The following TOX variants were observed in gnomAD, a reference collection of about 807,000 sequenced individuals.
TOX encodes thymocyte selection-associated high mobility group box protein TOX.
Under a neutral mutation model 53.7 loss-of-function variants are expected in TOX, and 11 were observed. That is an observed-to-expected ratio of 0.20 (90% CI 0.13 to 0.34). The LOEUF is 0.34. Ranked by LOEUF, TOX falls within the 10% of genes least tolerant of loss-of-function variation. TOX has a pLI of 1.00. For missense variants in TOX, 570 were observed against 664.6 expected (o/e 0.86, Z 1.56); for synonymous variants, 225 against 245.3 (o/e 0.92, Z 0.77).
chr8:58,874,252 T>G (rs1037695162), intron 3 of TOX, among the ~76,000 whole-genome samples: 4 of 152,002 alleles, frequency 2.6e-5, no homozygotes, highest in African/African-American at 9.7e-5. Flanking sequence ...CTTTTGGTAT[T>G]AAAATTTCAG....
chr8:58,961,532 C>CTT (rs1306667873), intron 1 of TOX, among the ~76,000 whole-genome samples: 4 of 143,060 alleles, frequency 2.8e-5, no homozygotes, highest in Non-Finnish European at 3.1e-5. Flanking sequence ...CAGGTGAACT[C>CTT]TTTTTTTTTT....
intron 1 of TOX, among the ~76,000 whole-genome samples, chr8:59,092,151 C>T (rs1015990266): frequency 6.7e-6 from 1 of 149,294 alleles, no homozygotes; most frequent in Non-Finnish European, 1.5e-5. Context: ...ACTCGGGAGG[C>T]AGAGGCAGGA....
In TOX at chr8:59,047,203, G is replaced by GTTT. The variant is rs10551461; in HGVS notation, c.102+71680_102+71682dup. On this transcript the variant is annotated intron_variant, in intron 1 of 8. Transcript: ENST00000361421. ...TTATTGAACAATTCCACCAAGAATT[G>GTTT]TTTTTTTTTTTTTTTTTTTTTTTTT... is the stretch of plus-strand genomic sequence containing the variant. 3.2e-3 allele frequency among the ~76,000 whole-genome samples: 143 copies of GTTT among 44,694 alleles called. 6 individuals carry two copies. Among genetic ancestry groups the GTTT allele is most frequent in the Middle Eastern group, 0.015 (1 of 68 alleles). 29.3% of individuals were successfully genotyped at this position (44,694 alleles called of 152,430 possible). A position where few individuals can be genotyped will look rare whatever the true frequency, so the allele number is the denominator to read the frequency against.
intron 6 of TOX, among the ~76,000 whole-genome samples, chr8:58,822,304 C>T (rs1810294998): frequency 6.6e-6 from 1 of 152,234 alleles, no homozygotes; most frequent in Admixed American, 6.5e-5. Flanking sequence ...CTTGAATCCT[C>T]TCTTTTTCTG....
intron 6 of TOX, among the ~76,000 whole-genome samples, chr8:58,826,079 T>C (rs1172706469): frequency 6.6e-6 from 1 of 152,190 alleles, no homozygotes; most frequent in Admixed American, 6.5e-5. Flanking sequence ...ATAATTACTT[T>C]AGAGTTACAA....
chr8:58,817,148 G>A (rs535817342), intron 6 of TOX, among the ~76,000 whole-genome samples: 9 of 152,084 alleles, frequency 5.9e-5, no homozygotes, highest in African/African-American at 2.2e-4. Flanking sequence ...AATACTCCAC[G>A]CACAGTATAA....
chr8:59,119,001 C>G lies in TOX; in HGVS notation c.-14G>C, dbSNP rs931604818. The stretch of plus-strand genomic sequence containing the variant: ...TCTTACGTCCATTTCACTCTCACAT[C>G]AAGCAACTCCTTTTCTTTTTCCTTT... On this transcript the variant is annotated 5_prime_UTR_variant, in exon 1 of 9. Coordinates refer to ENST00000361421, the MANE Select transcript of TOX (RefSeq NM_014729.3). 9 of 1,561,912 alleles carry G rather than the reference C, an allele frequency of 5.8e-6. No homozygotes were observed. Among genetic ancestry groups the G allele is most frequent in the Admixed American group, 5.1e-5 (3 of 59,028 alleles).
intron 1 of TOX, among the ~76,000 whole-genome samples, chr8:58,998,499 ATATATATAT>A (rs1813606968): frequency 1.3e-5 from 1 of 74,538 alleles, no homozygotes; most frequent in Non-Finnish European, 2.3e-5. Flanking sequence ...AAAAGTATAT[ATATATATAT>A]ATATATATAT....
At position 58,903,355 on chromosome 8, in the gene TOX, T is replaced by C. The variant is rs529388793; in HGVS notation, c.411+35947A>G. On this transcript the variant is annotated intron_variant, in intron 3 of 8. Coordinates refer to ENST00000361421, the MANE Select transcript of TOX (RefSeq NM_014729.3). ...CCATCATTAAAAATCCCAGGGTAAA[T>C]GTAGCTCTTGCAGAAGGAGGCGGGT... Among the ~76,000 whole-genome samples the C allele has an allele frequency of 4.6e-5, 7 of 152,276 alleles. No homozygotes were observed. In the South Asian group the frequency reaches 1.4e-3, roughly 32 times the overall value.
chr8:59,054,152 A>G (rs367965766), intron 1 of TOX, among the ~76,000 whole-genome samples: 3 of 152,224 alleles, frequency 2.0e-5, no homozygotes, highest in African/African-American at 4.8e-5. Flanking sequence ...TTAAAGCTAC[A>G]TATGCATAAT....
At chr8:59,057,748 A>G (rs1803910302) in intron 1 of TOX, among the ~76,000 whole-genome samples, 1 of 152,186 alleles carries the variant, frequency 6.6e-6, no homozygotes. Context: ...TTCATTTTCC[A>G]TATTTTCTAC....
intron 3 of TOX, among the ~76,000 whole-genome samples, chr8:58,909,582 TTTTTAA>T (rs1352832528): frequency 6.6e-6 from 1 of 152,064 alleles, no homozygotes; most frequent in Non-Finnish European, 1.5e-5. Context: ...AGCATCTACA[TTTTTAA>T]TAAGATTCCA....
At chr8:59,051,392 G>T (rs1563430455) in intron 1 of TOX, among the ~76,000 whole-genome samples, 1 of 152,078 alleles carries the variant, frequency 6.6e-6, no homozygotes, top group Non-Finnish European at 1.5e-5. Flanking sequence ...GGACGTTGCG[G>T]TATCTCCAGG....
chr8:58,855,575 G>A (rs937892811), intron 3 of TOX, among the ~76,000 whole-genome samples: 2 of 151,982 alleles, frequency 1.3e-5, no homozygotes, highest in African/African-American at 4.8e-5. Context: ...CATCTATCCA[G>A]GCCTTAATTA....
In TOX at chr8:58,867,845, C is replaced by CCG. The variant is rs1185142652; in HGVS notation, c.412-16041_412-16040insCG. On this transcript the variant is annotated intron_variant, in intron 3 of 8. Transcript: ENST00000361421. ...TTGTTTACTGCTCTGTTGTCAGTGC[C>CCG]CAATTCAGGCACATTGAAGAACCAG... Among the ~76,000 whole-genome samples the CCG allele has an allele frequency of 8.3e-4, 127 of 152,180 alleles. 2 individuals carry two copies. The East Asian group carries it at 8.5e-3, about 10-fold the overall frequency.
intron 1 of TOX, among the ~76,000 whole-genome samples, chr8:58,975,350 G>T (rs1216504465): frequency 6.6e-6 from 1 of 151,890 alleles, no homozygotes; most frequent in East Asian, 1.9e-4. Flanking sequence ...CTAACAAAGG[G>T]GAGTCTATGA....
At chr8:59,063,716 C>T (rs952628570) in intron 1 of TOX, among the ~76,000 whole-genome samples, 3 of 152,040 alleles carry the variant, frequency 2.0e-5, no homozygotes, top group Non-Finnish European at 4.4e-5. Flanking sequence ...CCACTGCGCC[C>T]GGCCCGGGAT....
chr8:59,012,526 C>A (rs1585963339), intron 1 of TOX, among the ~76,000 whole-genome samples: 1 of 151,760 alleles, frequency 6.6e-6, no homozygotes, highest in South Asian at 2.1e-4. Context: ...CACATGAGAT[C>A]ACAATTTTTT....
chr8:58,975,873 A>G (rs1281374405), intron 1 of TOX, among the ~76,000 whole-genome samples: 1 of 152,124 alleles, frequency 6.6e-6, no homozygotes, highest in Non-Finnish European at 1.5e-5. Flanking sequence ...AGAGATCGAG[A>G]CCATCCTGGC....
Sources: allele counts gnomAD v4.1 joint callset (sites outside exome capture counted in the v4.1 genomes callset), GRCh38; gene constraint gnomAD v4.1.1; transcripts MANE v1.5; gene names NCBI Gene and HGNC (gene_info 2026-07-23, HGNC 2026-07-21).